The following DCC variants were observed in gnomAD, a reference collection of about 807,000 sequenced individuals.
The protein encoded by DCC is DCC netrin 1 receptor.
DCC carries 58 observed loss-of-function variants against 172.5 expected under a neutral mutation model. That is an observed-to-expected ratio of 0.34 (90% CI 0.27 to 0.42). The LOEUF (loss-of-function observed/expected upper bound fraction) is 0.42. Among genes scored for constraint, DCC ranks in the 10% least tolerant of loss-of-function variants. The probability of loss-of-function intolerance (pLI) is 1.00; values close to 1 mark genes in which losing one functional copy is unlikely to be tolerated. For missense variants in DCC, 1,740 were observed against 1,791.0 expected, an observed-to-expected ratio of 0.97 and a Z score of 0.51; for synonymous variants, 709 against 644.5, an observed-to-expected ratio of 1.10 and a Z score of -1.52.
chr18:52,699,289 T>G (rs1350732932), intron 1 of DCC, among the ~76,000 whole-genome samples: 3 of 152,138 alleles, frequency 2.0e-5, no homozygotes, highest in Non-Finnish European at 4.4e-5. Flanking sequence ...GAGACCCTGC[T>G]CCTCAACCAA....
chr18:53,505,613 C>A (rs1361854423), intron 27 of DCC, among the ~76,000 whole-genome samples: 1 of 152,136 alleles, frequency 6.6e-6, no homozygotes, highest in Non-Finnish European at 1.5e-5. Context: ...CTATATCAAC[C>A]TAATACAATG....
chr18:52,592,904 C>T (rs1281383986), intron 1 of DCC, among the ~76,000 whole-genome samples: 3 of 152,102 alleles, frequency 2.0e-5, no homozygotes, highest in Non-Finnish European at 4.4e-5. Context: ...CTTGGCCTCC[C>T]GAAGTGCTAG....
At position 52,778,303 on chromosome 18, in the gene DCC, T is replaced by C. The variant is rs116067059; in HGVS notation, c.412+25929T>C. Among the ~76,000 whole-genome samples the C allele has an allele frequency of 2.7e-3, 412 of 152,310 alleles. 2 individuals carry two copies. The highest frequency in any genetic ancestry group is 9.2e-3 in the African/African-American group (381 of 41,564). ...AAAAATAAAAGAACTTGTAACACTTTCTTCAGTTGCATGCCTTGGGAATGT... is the reference window on the plus strand; with the variant it reads ...AAAAATAAAAGAACTTGTAACACTTCCTTCAGTTGCATGCCTTGGGAATGT... On this transcript the variant is annotated intron_variant, in intron 2 of 28. Transcript: ENST00000442544.
At chr18:52,851,307 T>G (rs1185914399) in intron 2 of DCC, among the ~76,000 whole-genome samples, 1 of 152,126 alleles carries the variant, frequency 6.6e-6, no homozygotes, top group African/African-American at 2.4e-5. Flanking sequence ...ATGATACACA[T>G]TTTCTTAAAA....
At chr18:53,267,161 G>C (rs995034364) in intron 12 of DCC, among the ~76,000 whole-genome samples, 7 of 151,738 alleles carry the variant, frequency 4.6e-5, no homozygotes, top group African/African-American at 1.5e-4. Context: ...GAGAGAGAGA[G>C]AGAGACAGAG....
chr18:52,357,711 C>T (rs886506049), intron 1 of DCC, among the ~76,000 whole-genome samples: 5 of 151,706 alleles, frequency 3.3e-5, no homozygotes, highest in Admixed American at 6.6e-5. Context: ...AAAAATTGGC[C>T]GGATCATGAG....
intron 1 of DCC, among the ~76,000 whole-genome samples, chr18:52,486,663 A>T (rs1323126434): frequency 6.6e-6 from 1 of 152,160 alleles, no homozygotes; most frequent in African/African-American, 2.4e-5. Context: ...GCCATGTTTT[A>T]CTCATCGTAA....
intron 1 of DCC, among the ~76,000 whole-genome samples, chr18:52,499,328 A>T (rs938891400): frequency 6.6e-6 from 1 of 152,158 alleles, no homozygotes; most frequent in South Asian, 2.1e-4. Flanking sequence ...CTATTTTCTC[A>T]TCTCTAAAAT....
chr18:52,739,351 C>T (rs542585036), intron 1 of DCC, among the ~76,000 whole-genome samples: 1 of 152,158 alleles, frequency 6.6e-6, no homozygotes, highest in African/African-American at 2.4e-5. Flanking sequence ...TTTTGTCTAT[C>T]TATGTTTGGT....
intron 3 of DCC, among the ~76,000 whole-genome samples, chr18:52,915,848 C>T (rs896052591): frequency 1.3e-5 from 2 of 152,008 alleles, no homozygotes; most frequent in African/African-American, 2.4e-5. Context: ...GGAAAATGGG[C>T]TTCTTGAGTA....
At chr18:52,546,427 G>A (rs2032619037) in intron 1 of DCC, among the ~76,000 whole-genome samples, 1 of 152,094 alleles carries the variant, frequency 6.6e-6, no homozygotes, top group Admixed American at 6.6e-5. Flanking sequence ...AGCCTGGGTT[G>A]TCCAGAGCTT....
chr18:52,942,917 C>CT (rs2040486325), intron 5 of DCC, among the ~76,000 whole-genome samples: 1 of 152,068 alleles, frequency 6.6e-6, no homozygotes, highest in African/African-American at 2.4e-5. Flanking sequence ...CAGGGTCTGG[C>CT]TTTGAATATT....
At chr18:52,776,666 C>T (rs73463762) in intron 2 of DCC, among the ~76,000 whole-genome samples, 3,430 of 152,034 alleles carry the variant, frequency 0.023, 126 homozygotes, top group African/African-American at 0.078. Context: ...ATCTACTATA[C>T]GATTTAAGAA....
chr18:52,852,205 A>G lies in DCC; in HGVS notation c.413-53839A>G, dbSNP rs187339768. The stretch of plus-strand genomic sequence containing the variant: ...GAAGAAATAAAAATCAATGTATTTT[A>G]TTTCTAGGATTGGTACTATTATTGA... On this transcript the variant is annotated intron_variant, in intron 2 of 28. Transcript: ENST00000442544. 2.0e-5 allele frequency among the ~76,000 whole-genome samples: 3 copies of G among 152,246 alleles called. No individual in the cohort carries two copies. The East Asian group carries it at 5.8e-4, about 29-fold the overall frequency.
chr18:53,343,911 T>G (rs1229174635), intron 15 of DCC, among the ~76,000 whole-genome samples: 1 of 151,994 alleles, frequency 6.6e-6, no homozygotes, highest in African/African-American at 2.4e-5. Flanking sequence ...TCCATTTCAT[T>G]TTGTCTCTTG....
chr18:53,145,502 C>T (rs1045480684), intron 7 of DCC, among the ~76,000 whole-genome samples: 2 of 151,856 alleles, frequency 1.3e-5, no homozygotes, highest in African/African-American at 4.9e-5. Flanking sequence ...GACGCAGCAA[C>T]GGGTGTCATC....
At chr18:52,539,190 T>G (rs1598897624) in intron 1 of DCC, among the ~76,000 whole-genome samples, 1 of 152,316 alleles carries the variant, frequency 6.6e-6, no homozygotes, top group Admixed American at 6.5e-5. Context: ...TAAACTGTAG[T>G]TAACTTGGAA....
chr18:53,278,720 T>C (rs1214938526), intron 12 of DCC, among the ~76,000 whole-genome samples: 1 of 152,176 alleles, frequency 6.6e-6, no homozygotes, highest in Non-Finnish European at 1.5e-5. Context: ...TAAAAGCATT[T>C]GAAACAGGGT....
chr18:53,013,639 C>T (rs1314877015), intron 5 of DCC, among the ~76,000 whole-genome samples: 1 of 151,148 alleles, frequency 6.6e-6, no homozygotes, highest in African/African-American at 2.4e-5. Flanking sequence ...AGCAAACCAC[C>T]ATGACACACG....
Sources: gnomAD v4.1 joint callset for allele counts (sites outside exome capture counted in the v4.1 genomes callset) on GRCh38, gnomAD v4.1.1 for gene constraint, MANE v1.5 for transcripts, NCBI Gene and HGNC (gene_info 2026-07-23, HGNC 2026-07-21) for gene names.